ZDHHC7: variants seen among roughly 807,000 people sequenced by gnomAD.
ZDHHC7 encodes the protein palmitoyltransferase ZDHHC7.
ZDHHC7 carries 12 observed loss-of-function variants against 34.1 expected under a neutral mutation model. The observed-to-expected ratio is 0.35, with a 90% CI of 0.23 to 0.57. ZDHHC7 has a LOEUF of 0.57. Among genes scored for constraint, ZDHHC7 ranks in the 20% least tolerant of loss-of-function variants. The pLI, the probability that ZDHHC7 is intolerant of heterozygous loss-of-function variation, is 0.84. For synonymous variants in ZDHHC7, 185 were observed against 155.4 expected (o/e 1.19, Z -1.42); for missense variants, 388 against 402.7 (o/e 0.96, Z 0.31).
chr16:85,011,478 G>C lies in ZDHHC7; in HGVS notation c.-296C>G, dbSNP rs1013882334. ...CAGGTCGGAAGGAGGCTGCAGCCAAGCAAATGCCTCAGCCCGGAGCCTTGG... is the reference window on the plus strand; with the variant it reads ...CAGGTCGGAAGGAGGCTGCAGCCAACCAAATGCCTCAGCCCGGAGCCTTGG... On this transcript the variant is annotated 5_prime_UTR_variant, in exon 1 of 8. Coordinates refer to ENST00000313732, the MANE Select transcript of ZDHHC7 (RefSeq NM_017740.3). 2 of 152,240 alleles carry C rather than the reference G, an allele frequency of 1.3e-5. No homozygotes were observed. The highest frequency in any genetic ancestry group is 2.4e-5 in the African/African-American group (1 of 41,452). 9.4% of individuals were successfully genotyped at this position (152,240 alleles called of 1,614,324 possible). A position where few individuals can be genotyped will look rare whatever the true frequency, so the allele number is the denominator to read the frequency against.
intron 1 of ZDHHC7, among the ~76,000 whole-genome samples, chr16:84,998,123 G>A (rs1344758907): frequency 1.3e-5 from 2 of 151,022 alleles, no homozygotes; most frequent in Admixed American, 6.6e-5. Context: ...AATTAGCCGG[G>A]CGTGGTGGCG....
At chr16:85,003,074 G>A (rs548650668) in intron 1 of ZDHHC7, among the ~76,000 whole-genome samples, 1 of 152,228 alleles carries the variant, frequency 6.6e-6, no homozygotes, top group East Asian at 1.9e-4. Context: ...CAGGATGATG[G>A]GCTAGAAAAG....
intron 2 of ZDHHC7, among the ~76,000 whole-genome samples, chr16:84,995,637 A>G (rs1363179899): frequency 1.3e-5 from 2 of 149,024 alleles, no homozygotes; most frequent in Non-Finnish European, 3.0e-5. Context: ...AAAAAAACAG[A>G]CAAAAAAAAC....
chr16:85,007,864 C>T (rs955069717), intron 1 of ZDHHC7, among the ~76,000 whole-genome samples: 2 of 151,974 alleles, frequency 1.3e-5, no homozygotes. Context: ...AGGCCAGGCA[C>T]AGTATAACAT....
chr16:85,021,497 C>T, the ZDHHC7 span, among the ~76,000 whole-genome samples: 2 of 150,790 alleles, frequency 1.3e-5, no homozygotes, highest in East Asian at 3.9e-4. Flanking sequence ...TCAACTGCGG[C>T]CAGGAGTTTG....
At chr16:85,005,367 T>G (rs954618389) in intron 1 of ZDHHC7, among the ~76,000 whole-genome samples, 2 of 152,180 alleles carry the variant, frequency 1.3e-5, no homozygotes, top group Non-Finnish European at 2.9e-5. Context: ...AATGACAACA[T>G]AAAACATTTG....
chr16:85,017,048 T>A, the ZDHHC7 span, among the ~76,000 whole-genome samples: 1 of 145,424 alleles, frequency 6.9e-6, no homozygotes, highest in African/African-American at 2.6e-5. Context: ...TTCAAGCGAC[T>A]CCCCTGCCTC....
intron 3 of ZDHHC7, among the ~76,000 whole-genome samples, chr16:84,984,593 T>C (rs2072413070): frequency 6.6e-6 from 1 of 152,210 alleles, no homozygotes; most frequent in Non-Finnish European, 1.5e-5. Context: ...TGGTCACTTA[T>C]GACCAAGGAA....
intron 5 of ZDHHC7, 165 bp from the exon 6 acceptor site, chr16:84,978,170 T>A: frequency 1.9e-6 from 1 of 522,968 alleles, no homozygotes; most frequent in Non-Finnish European, 3.4e-6. Context: ...CTCAAGTAGC[T>A]GAGACTACAA....
intron 1 of ZDHHC7, among the ~76,000 whole-genome samples, chr16:85,003,948 C>G (rs11864051): frequency 0.17 from 25,391 of 152,034 alleles, 2,171 homozygotes; most frequent in Middle Eastern, 0.21. Context: ...CGGGAGCACC[C>G]GGGCTTAGTC....
chr16:84,992,604 GAC>G (rs1217494330), intron 2 of ZDHHC7, among the ~76,000 whole-genome samples: 9 of 152,224 alleles, frequency 5.9e-5, no homozygotes, highest in Admixed American at 5.9e-4. Flanking sequence ...GAAAGGAAGA[GAC>G]AGTCAATTTC....
At position 84,976,038 on chromosome 16, in the gene ZDHHC7, C is replaced by G. The variant is rs1177444976; in HGVS notation, c.*305G>C. On this transcript the variant is annotated 3_prime_UTR_variant, in exon 8 of 8. Coordinates refer to ENST00000313732, the MANE Select transcript of ZDHHC7 (RefSeq NM_017740.3). ...TGATTGGAAACAGCAGCTCAGGACC[C>G]AGGATTTGAATAACCCATGTAATAA... The G allele has an allele frequency of 2.9e-6, 1 of 346,792 alleles. No individual in the cohort carries two copies. The highest frequency in any genetic ancestry group is 2.2e-5 in the African/African-American group (1 of 44,990). 21.5% of individuals were successfully genotyped at this position (346,792 alleles called of 1,614,324 possible).
intron 3 of ZDHHC7, among the ~76,000 whole-genome samples, chr16:84,986,363 G>A (rs1017324212): frequency 7.9e-5 from 12 of 152,206 alleles, no homozygotes; most frequent in African/African-American, 1.9e-4. Flanking sequence ...CTACACCTAC[G>A]TCCCAGCACT....
rs200342644 is a variant in ZDHHC7 at position 84,988,803 on chromosome 16, A to C, written c.315+1501T>G. Reference sequence around the variant, plus strand: ...CACAGACTCGGTTCCCTCACCACAAATGCCCACAAGGGTTGGGTCCAGCCC... The same window carrying C: ...CACAGACTCGGTTCCCTCACCACAACTGCCCACAAGGGTTGGGTCCAGCCC... On this transcript the variant is annotated intron_variant, in intron 3 of 7. Transcript: ENST00000313732. 1.2e-3 allele frequency: 1,842 copies of C among 1,551,718 alleles called. 11 individuals are homozygous for C. Among genetic ancestry groups the C allele is most frequent in the Middle Eastern group, 7.6e-3 (45 of 5,948 alleles).
the ZDHHC7 span, among the ~76,000 whole-genome samples, chr16:85,018,596 T>A: frequency 1.3e-5 from 2 of 152,060 alleles, no homozygotes; most frequent in African/African-American, 2.4e-5. Flanking sequence ...TACAGGCAAG[T>A]GCCACCACGC....
intron 2 of ZDHHC7, among the ~76,000 whole-genome samples, chr16:84,992,624 T>C (rs949459484): frequency 2.0e-5 from 3 of 152,188 alleles, no homozygotes; most frequent in African/African-American, 7.2e-5. Flanking sequence ...TTCACCTAGC[T>C]TTGCCATGAG....
intron 6 of ZDHHC7, 72 bp from the exon 7 acceptor site, chr16:84,977,297 G>A: frequency 6.3e-7 from 1 of 1,581,244 alleles, no homozygotes; most frequent in East Asian, 2.2e-5. Flanking sequence ...GCTCAGAGAA[G>A]AATCCTCTAG....
At chr16:84,992,505 G>A (rs945457987) in intron 2 of ZDHHC7, among the ~76,000 whole-genome samples, 10 of 152,164 alleles carry the variant, frequency 6.6e-5, no homozygotes, top group Non-Finnish European at 2.9e-5. Flanking sequence ...ACTTTTCCTG[G>A]TAACTGTTTT....
upstream of ZDHHC7, among the ~76,000 whole-genome samples, chr16:85,013,745 G>C (rs1295530378): frequency 6.6e-6 from 1 of 152,106 alleles, no homozygotes; most frequent in African/African-American, 2.4e-5. Flanking sequence ...CTGGAGTGCA[G>C]TGGTGTGATC....
Sources: gnomAD v4.1 joint callset for allele counts (sites outside exome capture counted in the v4.1 genomes callset) on GRCh38, gnomAD v4.1.1 for gene constraint, MANE v1.5 for transcripts, NCBI Gene and HGNC (gene_info 2026-07-23, HGNC 2026-07-21) for gene names.